Variants in PKLR observed in about 807,000 individuals in gnomAD.
The protein encoded by PKLR is pyruvate kinase PKLR.
PKLR carries 38 observed loss-of-function variants against 53.6 expected under a neutral mutation model. The observed-to-expected ratio is 0.71, with a 90% CI of 0.55 to 0.93. PKLR has a LOEUF of 0.93. Ranked by LOEUF, PKLR falls within the 40% of genes least tolerant of loss-of-function variation. The pLI, the probability that PKLR is intolerant of heterozygous loss-of-function variation, is 0.00. For missense variants in PKLR, 702 were observed against 787.3 expected (o/e 0.89, Z 1.30); for synonymous variants, 328 against 316.2 (o/e 1.04, Z -0.39).
At chr1:155,294,122 G>T in intron 7 of PKLR, 113 bp downstream of exon 7, 2 of 1,220,590 alleles carry the variant, frequency 1.6e-6, no homozygotes, top group Non-Finnish European at 2.4e-6. Flanking sequence ...GACAGAGTGA[G>T]ACTCCGTCTC....
In PKLR at chr1:155,293,092, G is replaced by A. The variant is rs1449897439; in HGVS notation, c.1436+85C>T. ...CAGGTGGACACTCTTCACCCCTGGTGACCAGACTAAACCCAAGCCTGGGGC... is the reference window on the plus strand; with the variant it reads ...CAGGTGGACACTCTTCACCCCTGGTAACCAGACTAAACCCAAGCCTGGGGC... On this transcript the variant is annotated intron_variant, in intron 9 of 10. Coordinates refer to ENST00000342741, the MANE Select transcript of PKLR (RefSeq NM_000298.6). This position sits in a 1 kb window ranked among gnomAD's most constrained non-coding sequence, Gnocchi z 4.2. 25 of 1,402,126 alleles carry A rather than the reference G, an allele frequency of 1.8e-5. No homozygotes were observed. In the East Asian group the frequency reaches 5.2e-4, roughly 29 times the overall value. The allele number at this position is 1,402,126 out of a possible 1,614,324, so 86.9% of individuals were successfully genotyped here.
At chr1:155,300,025 G>A in intron 2 of PKLR, 73 bp downstream of exon 2, 3 of 1,423,412 alleles carry the variant, frequency 2.1e-6, no homozygotes, top group Non-Finnish European at 3.0e-6. Flanking sequence ...TCTCAAAGGA[G>A]ACAAAAGATG....
Position 155,295,357 on chromosome 1 carries a change from C to T in PKLR, c.508-55G>A. ...TCTGAGCCCCGGAGTCCGGGACCCG[C>T]CCCTGCCCACGCCTGGGCCCAACCC... On this transcript the variant is annotated intron_variant, in intron 4 of 10. Coordinates refer to ENST00000342741, the MANE Select transcript of PKLR (RefSeq NM_000298.6). The surrounding 1 kb of genome is among the most constrained non-coding windows in gnomAD (Gnocchi z 4.3). 3 of 1,613,078 alleles carry T rather than the reference C, an allele frequency of 1.9e-6. No individual in the cohort carries two copies. The highest frequency in any genetic ancestry group is 2.2e-5 in the East Asian group (1 of 44,868).
At chr1:155,305,796 ATTTTTTTT>A (rs35024216), upstream of PKLR, among the ~76,000 whole-genome samples, 2 of 133,322 alleles carry the variant, frequency 1.5e-5, no homozygotes, top group African/African-American at 5.7e-5. Context: ...TGCCCAGCTA[ATTTTTTTT>A]TTTTTTTTTT....
chr1:155,307,461 G>A, the PKLR span, among the ~76,000 whole-genome samples: 1 of 152,096 alleles, frequency 6.6e-6, no homozygotes, highest in Non-Finnish European at 1.5e-5. Context: ...GGATGAGATA[G>A]GAGATTGGCT....
At position 155,293,139 on chromosome 1, in the gene PKLR, C is replaced by A; in HGVS notation, c.1436+38G>T. The A allele has an allele frequency of 6.2e-7, 1 of 1,609,686 alleles. No individual in the cohort carries two copies. The highest frequency in any genetic ancestry group is 1.7e-5 in the Admixed American group (1 of 60,004). On this transcript the variant is annotated intron_variant, in intron 9 of 10. Transcript: ENST00000342741. This position sits in a 1 kb window ranked among gnomAD's most constrained non-coding sequence, Gnocchi z 4.2. ...GGGCCCGTCCCAGCCCACCCCTGAC[C>A]CAAAGCTCCATCTGGACATTCCCAA...
In PKLR at chr1:155,295,677, G is replaced by A; in HGVS notation, c.363C>T (p.His121=). 5 of 1,614,156 alleles carry A rather than the reference G, an allele frequency of 3.1e-6. No individual in the cohort carries two copies. The highest frequency in any genetic ancestry group is 4.2e-6 in the Non-Finnish European group (5 of 1,180,008). The change falls in exon 3 of 11, where the codon CAC becomes CAT. Residue 121 remains histidine, a synonymous_variant. Transcript: ENST00000342741. This position sits in a 1 kb window ranked among gnomAD's most constrained non-coding sequence, Gnocchi z 4.3. ...GMNIARLNFS[H]GSHEYHAESI... ...GCCCGTCCCGCACCTCGTGGGAGCCGTGGGAGAAGTTGAGTCGCGCAATGT... is the reference window on the plus strand; with the variant it reads ...GCCCGTCCCGCACCTCGTGGGAGCCATGGGAGAAGTTGAGTCGCGCAATGT...
At chr1:155,291,461 A>G (rs1572051407) in intron 10 of PKLR, among the ~76,000 whole-genome samples, 1 of 150,500 alleles carries the variant, frequency 6.6e-6, no homozygotes, top group Non-Finnish European at 1.5e-5. Flanking sequence ...GTACCCCTGC[A>G]CTCCAGCCTG....
Position 155,290,603 on chromosome 1 carries a change from G to C in PKLR, c.1694C>G (p.Thr565Ser), listed in dbSNP as rs1221397220. 1.9e-6 allele frequency: 3 copies of C among 1,612,644 alleles called. No individual in the cohort carries two copies. The Admixed American group carries it at 5.0e-5, about 27-fold the overall frequency. ...VTGWRPGSGYTNIMRVLSIS is the reference protein window; with the variant it reads ...VTGWRPGSGYSNIMRVLSIS The stretch of plus-strand genomic sequence containing the variant: ...TATGCTTAGCACCCGCATGATGTTG[G>C]TGTAGCCGGAGCCAGGTCGCCAGCC... The change falls in exon 11 of 11, where the codon ACC (threonine) becomes AGC (serine). Residue 565 changes from threonine (T) to serine (S), a missense_variant. By Grantham distance (58) the Thr-to-Ser change is moderately conservative (BLOSUM62 1). Transcript: ENST00000342741.
chr1:155,290,589 C>T lies in PKLR; in HGVS notation c.1708G>A (p.Val570Met). Residue 570 changes from valine to methionine, a missense_variant, in exon 11 of 11, where the codon GTG becomes ATG. Around this residue, in one of 2 missense-constraint regions of PKLR, gnomAD observed 183 missense variants for 250.2 expected, o/e 0.73. Transcript: ENST00000342741. ...PGSGYTNIMR[V>M]LSIS is the part of the protein sequence containing the mutation. The stretch of plus-strand genomic sequence containing the variant: ...GGGGCGTCTCAGGATATGCTTAGCA[C>T]CCGCATGATGTTGGTGTAGCCGGAG... 2 of 1,609,262 alleles carry T rather than the reference C, an allele frequency of 1.2e-6. No individual in the cohort carries two copies. Among genetic ancestry groups the T allele is most frequent in the South Asian group, 1.1e-5 (1 of 90,956 alleles).
rs1376070580 is a variant in PKLR, at chr1:155,294,275, C to T, written c.1076G>A (p.Arg359His). The change falls in exon 7 of 11, where the codon CGC (arginine) becomes CAC (histidine). Residue 359 changes from arginine to histidine, a missense_variant. Around this residue, in one of 2 missense-constraint regions of PKLR, gnomAD observed 519 missense variants for 537.1 expected, o/e 0.97. Transcript: ENST00000342741. ...AACAGGCTTGCCCGCCAAGTTGCAG[C>T]GCCCAATCATCATCTTCTGAGCCAG... ...VFLAQKMMIG[R>H]CNLAGKPVVC... 7.4e-6 allele frequency: 12 copies of T among 1,614,082 alleles called. No homozygotes were observed. Among genetic ancestry groups the T allele is most frequent in the African/African-American group, 4.0e-5 (3 of 74,926 alleles).
In PKLR at chr1:155,294,329, C is replaced by G. The variant is rs1227427396; in HGVS notation, c.1022G>C (p.Gly341Ala). ...AACCTTCTCTGCTGGGATCTCGATG[C>G]CTAGGTCCCCCCGTGCCACCATGAT... is the stretch of plus-strand genomic sequence containing the variant. ...DGIMVARGDL[G>A]IEIPAEKVFL... Residue 341 changes from glycine (G) to alanine (A), a missense_variant, in exon 7 of 11, where the codon GGC (glycine) becomes GCC (alanine). Transcript: ENST00000342741. The G allele has an allele frequency of 1.7e-5, 27 of 1,613,954 alleles. No homozygotes were observed. Among genetic ancestry groups the G allele is most frequent in the Non-Finnish European group, 2.3e-5 (27 of 1,179,990 alleles).
At chr1:155,302,102 G>A (rs1176953838), upstream of PKLR, among the ~76,000 whole-genome samples, 2 of 149,710 alleles carry the variant, frequency 1.3e-5, no homozygotes, top group Non-Finnish European at 3.0e-5. Flanking sequence ...CTGTCGCCCA[G>A]GCTGGAGTGC....
rs1347166471 is a variant in PKLR, at chr1:155,289,696, C to T, written c.*876G>A. Reference sequence around the variant, plus strand: ...CCTTTACCACCCTCACTCTGCCTGTCCCCTCTCCTACTCTACAGCATTAAA... The same window carrying T: ...CCTTTACCACCCTCACTCTGCCTGTTCCCTCTCCTACTCTACAGCATTAAA... On this transcript the variant is annotated 3_prime_UTR_variant, in exon 11 of 11. Coordinates refer to ENST00000342741, the MANE Select transcript of PKLR (RefSeq NM_000298.6). 1 of 152,344 alleles carries T rather than the reference C, an allele frequency of 6.6e-6. No individual in the cohort carries two copies. The highest frequency in any genetic ancestry group is 1.9e-4 in the East Asian group (1 of 5,342). 9.4% of individuals were successfully genotyped at this position (152,344 alleles called of 1,614,324 possible). A position where few individuals can be genotyped will look rare whatever the true frequency, so the allele number is the denominator to read the frequency against.
upstream of PKLR, among the ~76,000 whole-genome samples, chr1:155,305,891 C>T (rs1263042017): frequency 6.6e-6 from 1 of 151,846 alleles, no homozygotes; most frequent in Non-Finnish European, 1.5e-5. Context: ...GTGATCTACC[C>T]GCCTTCACTT....
At chr1:155,300,916 C>T (rs776156268) in intron 1 of PKLR, 4 of 1,605,302 alleles carry the variant, frequency 2.5e-6, no homozygotes, top group Non-Finnish European at 3.4e-6. Context: ...GGGTCTCCCT[C>T]TCTGTGGGTC....
chr1:155,294,354 T>C lies in PKLR; in HGVS notation c.997A>G (p.Ile333Val), dbSNP rs1647418569. The change falls in exon 7 of 11, where the codon ATC (isoleucine) becomes GTC (valine). Residue 333 changes from isoleucine (I) to valine (V), a missense_variant. By Grantham distance (29) the Ile-to-Val change is conservative. Around this residue, in one of 2 missense-constraint regions of PKLR, gnomAD observed 519 missense variants for 537.1 expected, o/e 0.97. Transcript: ENST00000342741. ...CCTAGGTCCCCCCGTGCCACCATGA[T>C]GCCGTCGCTCACCTCCAGGATTTCA... ...FDEILEVSDG[I>V]MVARGDLGIE... is the part of the protein sequence containing the mutation. The C allele has an allele frequency of 6.2e-7, 1 of 1,614,152 alleles. No individual in the cohort carries two copies. The highest frequency in any genetic ancestry group is 8.5e-7 in the Non-Finnish European group (1 of 1,180,022).
rs1220156417 is a variant in PKLR, at chr1:155,295,453, G to T, written c.491C>A (p.Thr164Asn). Residue 164 changes from threonine (T) to asparagine (N), a missense_variant, in exon 4 of 11, where the codon ACT becomes AAT. Thr to Asn is a moderately conservative substitution (Grantham distance 65, BLOSUM62 0). Coordinates refer to ENST00000342741, the MANE Select transcript of PKLR (RefSeq NM_000298.6). The surrounding 1 kb of genome is among the most constrained non-coding windows in gnomAD (Gnocchi z 4.3). ...ACTGCTCACCCCCTGCAGGATCCCAGTGCGGATCTCCGGTCCCTTGGTGTC... is the reference window on the plus strand; with the variant it reads ...ACTGCTCACCCCCTGCAGGATCCCATTGCGGATCTCCGGTCCCTTGGTGTC... ...ALDTKGPEIR[T>N]GILQGGPESE... 23 of 1,609,170 alleles carry T rather than the reference G, an allele frequency of 1.4e-5. No homozygotes were observed. The highest frequency in any genetic ancestry group is 2.0e-5 in the Non-Finnish European group (23 of 1,177,914).
At chr1:155,302,442 G>A (rs557509710), upstream of PKLR, among the ~76,000 whole-genome samples, 11 of 151,672 alleles carry the variant, frequency 7.3e-5, no homozygotes, top group African/African-American at 2.7e-4. Context: ...TCACCATGTT[G>A]GTCAGGCTGG....
Sources: allele counts gnomAD v4.1 joint callset (sites outside exome capture counted in the v4.1 genomes callset), GRCh38; gene constraint gnomAD v4.1.1; regional missense constraint gnomAD v4.1.1; non-coding constraint Gnocchi (gnomAD v3.1); transcripts MANE v1.5; gene names NCBI Gene and HGNC (gene_info 2026-07-23, HGNC 2026-07-21).